PACSIN2: variants seen among roughly 807,000 people sequenced by gnomAD.
The protein encoded by PACSIN2 is protein kinase C and casein kinase substrate in neurons 2.
A neutral mutation model predicts 63.8 loss-of-function variants in PACSIN2; 25 were observed. The ratio of observed to expected loss-of-function variants is 0.39; its 90% confidence interval spans 0.29 to 0.55. The LOEUF is 0.55. Among genes scored for constraint, PACSIN2 ranks in the 20% least tolerant of loss-of-function variants. PACSIN2 has a pLI of 0.62. For missense variants in PACSIN2, 518 were observed against 646.9 expected (o/e 0.80, Z 2.16); for synonymous variants, 255 against 256.2 (o/e 1.00, Z 0.05).
In PACSIN2 at chr22:42,936,169, T is replaced by A. The variant is rs146868509; in HGVS notation, c.-77-24012A>T. On this transcript the variant is annotated intron_variant, in intron 1 of 10. Transcript: ENST00000263246. Reference sequence around the variant, plus strand: ...AGGCGGAGCTTGCAGTGAGCCAAGATTGCGCCACTGCACTCCAGCCTGGGC... The same window carrying A: ...AGGCGGAGCTTGCAGTGAGCCAAGAATGCGCCACTGCACTCCAGCCTGGGC... Among the ~76,000 whole-genome samples, 622 of 151,492 alleles carry A rather than the reference T, an allele frequency of 4.1e-3. 3 individuals carry two copies. The highest frequency in any genetic ancestry group is 0.014 in the African/African-American group (586 of 41,180).
At chr22:43,011,637 G>A (rs146545747) in intron 1 of PACSIN2, among the ~76,000 whole-genome samples, 354 of 152,288 alleles carry the variant, frequency 2.3e-3, no homozygotes, top group Admixed American at 4.6e-3. Context: ...GGACATCTGC[G>A]AGGCCGAGGC....
intron 1 of PACSIN2, among the ~76,000 whole-genome samples, chr22:42,958,852 T>C (rs1934019826): frequency 6.6e-6 from 1 of 152,230 alleles, no homozygotes; most frequent in Non-Finnish European, 1.5e-5. Context: ...TATAATTCAC[T>C]GAGTGATGGG....
chr22:42,914,038 G>A (rs1053833160), intron 1 of PACSIN2, among the ~76,000 whole-genome samples: 1 of 152,220 alleles, frequency 6.6e-6, no homozygotes, highest in Non-Finnish European at 1.5e-5. Flanking sequence ...AGACATTGCC[G>A]CTGTGAGGAG....
intron 1 of PACSIN2, among the ~76,000 whole-genome samples, chr22:43,004,897 T>C (rs561334195): frequency 9.9e-5 from 15 of 152,178 alleles, no homozygotes; most frequent in Non-Finnish European, 2.1e-4. Flanking sequence ...GCTCTGACTC[T>C]CTTTCTCCTC....
intron 5 of PACSIN2, among the ~76,000 whole-genome samples, chr22:42,888,231 C>T (rs1240220399): frequency 2.0e-5 from 3 of 152,158 alleles, no homozygotes; most frequent in Non-Finnish European, 2.9e-5. Flanking sequence ...TCCTCATAAC[C>T]CTCCATACCA....
chr22:43,007,042 C>G (rs1247969636), intron 1 of PACSIN2, among the ~76,000 whole-genome samples: 1 of 152,062 alleles, frequency 6.6e-6, no homozygotes, highest in African/African-American at 2.4e-5. Flanking sequence ...TCACCCCTCC[C>G]CCATCTGCAT....
intron 4 of PACSIN2, among the ~76,000 whole-genome samples, chr22:42,889,454 AAGG>A (rs1019821199): frequency 1.3e-5 from 2 of 151,854 alleles, no homozygotes; most frequent in African/African-American, 2.4e-5. Flanking sequence ...TTCTAGAGGG[AAGG>A]AGGAGTTTAT....
chr22:42,898,588 G>A (rs770283214), intron 2 of PACSIN2, among the ~76,000 whole-genome samples: 1 of 151,928 alleles, frequency 6.6e-6, no homozygotes, highest in Non-Finnish European at 1.5e-5. Flanking sequence ...TCCTTTCTAG[G>A]GTCCTCCGGA....
At chr22:42,950,249 A>C (rs1420640098) in intron 1 of PACSIN2, among the ~76,000 whole-genome samples, 1 of 152,068 alleles carries the variant, frequency 6.6e-6, no homozygotes, top group Admixed American at 6.6e-5. Context: ...AGTATACATA[A>C]GTTATATGCA....
rs1385510661 is a variant in PACSIN2, at chr22:42,879,054, G to C, written c.1022C>G (p.Pro341Arg). 1 of 1,613,504 alleles carries C rather than the reference G, an allele frequency of 6.2e-7. No individual in the cohort carries two copies. Among genetic ancestry groups the C allele is most frequent in the Non-Finnish European group, 8.5e-7 (1 of 1,179,772 alleles). Residue 341 changes from proline to arginine, a missense_variant, in exon 8 of 11, where the codon CCC becomes CGC. Pro to Arg is a moderately radical substitution (Grantham distance 103). This residue lies in a region of PACSIN2 where 507 missense variants were observed against 612.3 expected (regional missense o/e 0.83). Transcript: ENST00000263246. ...GGAGGTGGCGCCCACTCACCTGCTGGGCTTACTCGGCAGAGACTGGTCGCC... is the reference window on the plus strand; with the variant it reads ...GGAGGTGGCGCCCACTCACCTGCTGCGCTTACTCGGCAGAGACTGGTCGCC... ...QTGDQSLPSK[P>R]SSTLNVPSNP... is the part of the protein sequence containing the mutation.
chr22:43,010,398 A>ATATATATATATATATATTTTTT, intron 1 of PACSIN2, among the ~76,000 whole-genome samples: 2,835 of 126,084 alleles, frequency 0.022, 74 homozygotes, highest in Non-Finnish European at 0.035. Context: ...ATATATATAT[A>ATATATATATATATATATTTTTT]TTTTTTTTTA....
chr22:43,011,222 T>C (rs1924468662), intron 1 of PACSIN2, among the ~76,000 whole-genome samples: 1 of 152,200 alleles, frequency 6.6e-6, no homozygotes, highest in African/African-American at 2.4e-5. Context: ...ACTGCCTTCG[T>C]AACTAAGGCA....
chr22:42,951,289 G>C (rs532339030), intron 1 of PACSIN2, among the ~76,000 whole-genome samples: 1 of 152,092 alleles, frequency 6.6e-6, no homozygotes. Context: ...AAGTAATTCC[G>C]GACAGTCCTG....
chr22:42,928,876 A>G (rs766791404), intron 1 of PACSIN2, among the ~76,000 whole-genome samples: 19 of 152,238 alleles, frequency 1.2e-4, no homozygotes, highest in Non-Finnish European at 1.9e-4. Flanking sequence ...CAAATTTGCC[A>G]TTAAACAGCA....
At chr22:43,005,854 A>T (rs899814330) in intron 1 of PACSIN2, among the ~76,000 whole-genome samples, 2 of 152,038 alleles carry the variant, frequency 1.3e-5, no homozygotes, top group Non-Finnish European at 2.9e-5. Context: ...CTCAAAATTC[A>T]TATGTTGAAA....
At position 42,909,548 on chromosome 22, in the gene PACSIN2, C is replaced by T; in HGVS notation, c.60+2473G>A. ...ATGGAGAAGGCGGACGACCACAGCA[C>T]TGCGGAGTTGATACCAGCTGGAGAG... On this transcript the variant is annotated intron_variant, in intron 2 of 10. Transcript: ENST00000263246. 2 of 471,178 alleles carry T rather than the reference C, an allele frequency of 4.2e-6. 1 individual carries two copies. The highest frequency in any genetic ancestry group is 8.8e-6 in the Non-Finnish European group (2 of 227,042). The allele number at this position is 471,178 out of a possible 1,614,324, so 29.2% of individuals were successfully genotyped here. A position where few individuals can be genotyped will look rare whatever the true frequency, so the allele number is the denominator to read the frequency against.
rs1226231036 is a variant in PACSIN2 at position 42,869,939 on chromosome 22, G to A, written c.*1418C>T. ...ACACAGACACAGGTCCACTTTCCAA[G>A]CAAGACATCTGCTCACTGGAAACGG... is the stretch of plus-strand genomic sequence containing the variant. On this transcript the variant is annotated 3_prime_UTR_variant, in exon 11 of 11. Transcript: ENST00000263246. The A allele has an allele frequency of 6.6e-6, 1 of 152,436 alleles. No individual in the cohort carries two copies. The highest frequency in any genetic ancestry group is 2.4e-5 in the African/African-American group (1 of 41,442). The allele number at this position is 152,436 out of a possible 1,614,324, so 9.4% of individuals were successfully genotyped here.
intron 1 of PACSIN2, among the ~76,000 whole-genome samples, chr22:42,973,610 C>T (rs1921480723): frequency 6.6e-6 from 1 of 152,254 alleles, no homozygotes; most frequent in African/African-American, 2.4e-5. Flanking sequence ...AGCCAACATG[C>T]CTGCCTGTCT....
chr22:42,981,342 G>A (rs1306663214), intron 1 of PACSIN2, among the ~76,000 whole-genome samples: 9 of 142,848 alleles, frequency 6.3e-5, no homozygotes, highest in African/African-American at 1.9e-4. Context: ...CACCCCGTCC[G>A]GGAGGGAGGT....
Sources: gnomAD v4.1 joint callset for allele counts (sites outside exome capture counted in the v4.1 genomes callset) on GRCh38, gnomAD v4.1.1 for gene constraint, gnomAD v4.1.1 regional missense constraint, MANE v1.5 for transcripts, NCBI Gene and HGNC (gene_info 2026-07-23, HGNC 2026-07-21) for gene names.